PCSK5: variants seen among roughly 807,000 people sequenced by gnomAD.
PCSK5 encodes prohormone convertase 5.
Under a neutral mutation model 233.2 loss-of-function variants are expected in PCSK5, and 129 were observed. The ratio of observed to expected loss-of-function variants is 0.55; its 90% confidence interval spans 0.48 to 0.64. The LOEUF (loss-of-function observed/expected upper bound fraction) is 0.64, where lower values mean the gene tolerates loss of function less well. Ranked by LOEUF, PCSK5 falls within the 30% of genes least tolerant of loss-of-function variation. The probability of loss-of-function intolerance (pLI) is 0.00; values close to 1 mark genes in which losing one functional copy is unlikely to be tolerated. For missense variants in PCSK5, 2,076 were observed against 2,430.1 expected, an observed-to-expected ratio of 0.85 and a Z score of 3.06; for synonymous variants, 825 against 879.2, an observed-to-expected ratio of 0.94 and a Z score of 1.09.
chr9:76,064,374 T>C (rs1587575550), intron 5 of PCSK5, among the ~76,000 whole-genome samples: 1 of 94,764 alleles, frequency 1.1e-5, no homozygotes, highest in African/African-American at 4.5e-5. Context: ...CCCCCCCACC[T>C]CCCTCCCGGA....
intron 28 of PCSK5, among the ~76,000 whole-genome samples, chr9:76,304,148 G>A (rs186254436): frequency 1.8e-4 from 28 of 152,308 alleles, no homozygotes; most frequent in Non-Finnish European, 3.2e-4. Flanking sequence ...CTCCAGCCTA[G>A]GTGATGGAGC....
intron 24 of PCSK5, among the ~76,000 whole-genome samples, chr9:76,242,734 TGG>T (rs1826468391): frequency 6.6e-6 from 1 of 152,218 alleles, no homozygotes; most frequent in Admixed American, 6.5e-5. Context: ...CTAATTTCTG[TGG>T]TCTTCTCTGG....
rs141384847 is a variant in PCSK5 at position 76,337,099 on chromosome 9, C to T, written c.4749-1131C>T. 3.6e-3 allele frequency among the ~76,000 whole-genome samples: 481 copies of T among 134,894 alleles called. 5 individuals are homozygous for T. The highest frequency in any genetic ancestry group is 0.012 in the African/African-American group (461 of 37,646). 88.5% of individuals were successfully genotyped at this position (134,894 alleles called of 152,430 possible). A position where few individuals can be genotyped will look rare whatever the true frequency, so the allele number is the denominator to read the frequency against. On this transcript the variant is annotated intron_variant, in intron 34 of 37. Coordinates refer to ENST00000674117, the MANE Select transcript of PCSK5 (RefSeq NM_001372043.1). ...TAAATGTCGATATCACACTTGTCAC[C>T]TCCTATTTCAAAATTTCTTCTTTAA... is the stretch of plus-strand genomic sequence containing the variant.
At chr9:75,928,600 T>C (rs1214305507) in intron 1 of PCSK5, among the ~76,000 whole-genome samples, 19 of 78,140 alleles carry the variant, frequency 2.4e-4, no homozygotes, top group South Asian at 4.3e-4. Context: ...TAAATACATA[T>C]ATATATATAT....
At chr9:76,125,384 T>G (rs10120327) in intron 9 of PCSK5, among the ~76,000 whole-genome samples, 71,484 of 151,998 alleles carry the variant, frequency 0.47, 17,212 homozygotes, top group Admixed American at 0.52. Flanking sequence ...GTCCAAGACA[T>G]TGCAGGTGGC....
chr9:76,317,316 T>A (rs1052172631), intron 30 of PCSK5, among the ~76,000 whole-genome samples: 1 of 152,172 alleles, frequency 6.6e-6, no homozygotes, highest in African/African-American at 2.4e-5. Flanking sequence ...TGAGTTGAGA[T>A]CACGCCACTG....
In PCSK5 at chr9:76,323,143, C is replaced by A. The variant is rs1318291124; in HGVS notation, c.4194C>A (p.Cys1398Ter). The A allele has an allele frequency of 2.5e-6, 4 of 1,612,238 alleles. No homozygotes were observed. The African/African-American group carries it at 5.3e-5, about 22-fold the overall frequency. ...FYADSRHCVP[C>*]HKDCLECSGP... Reference sequence around the variant, plus strand: ...CAGACTCGCGCCACTGTGTCCCCTGCCATAAAGACTGTCTGGAGTGCAGTG... The same window carrying A: ...CAGACTCGCGCCACTGTGTCCCCTGACATAAAGACTGTCTGGAGTGCAGTG... Residue 1398 changes from cysteine (C) to a stop codon, truncating the protein, a stop_gained, in exon 32 of 38, where the codon TGC becomes TGA. Transcript: ENST00000674117. LOFTEE classifies it high-confidence loss of function.
At chr9:75,987,722 G>A (rs563602215) in intron 3 of PCSK5, among the ~76,000 whole-genome samples, 5 of 152,274 alleles carry the variant, frequency 3.3e-5, no homozygotes, top group Admixed American at 1.3e-4. Context: ...CCCAGTAGCC[G>A]CAAAGAGTGA....
chr9:76,126,167 C>CTGTGTGTGTG (rs140371301), intron 9 of PCSK5, among the ~76,000 whole-genome samples: 1 of 61,506 alleles, frequency 1.6e-5, no homozygotes, highest in Non-Finnish European at 3.3e-5. Flanking sequence ...TGATTTTTTC[C>CTGTGTGTGTG]TGCGTGTGTG....
intron 24 of PCSK5, 57 bp downstream of exon 24, chr9:76,240,741 C>T (rs1826405642): frequency 8.5e-7 from 1 of 1,181,970 alleles, no homozygotes; most frequent in South Asian, 1.3e-5. Flanking sequence ...CTTTTCCACA[C>T]ATCTTCATCC....
intron 20 of PCSK5, among the ~76,000 whole-genome samples, chr9:76,218,468 A>G (rs1032664612): frequency 4.6e-5 from 7 of 152,176 alleles, no homozygotes; most frequent in African/African-American, 1.7e-4. Context: ...GGTTTAGATG[A>G]TGTTCACACA....
At chr9:76,076,573 C>T (rs926577458) in intron 7 of PCSK5, among the ~76,000 whole-genome samples, 1 of 152,172 alleles carries the variant, frequency 6.6e-6, no homozygotes, top group Non-Finnish European at 1.5e-5. Flanking sequence ...GAAATAAATA[C>T]ATTTTGCTCA....
chr9:76,108,804 C>T (rs1832087052), intron 9 of PCSK5, among the ~76,000 whole-genome samples: 1 of 152,138 alleles, frequency 6.6e-6, no homozygotes, highest in African/African-American at 2.4e-5. Context: ...GGTAGTTTCC[C>T]AGCATTCACA....
At chr9:76,110,190 A>G (rs1832153510) in intron 9 of PCSK5, among the ~76,000 whole-genome samples, 1 of 152,176 alleles carries the variant, frequency 6.6e-6, no homozygotes, top group South Asian at 2.1e-4. Flanking sequence ...AGGCAGAGTT[A>G]TGACTCAGGA....
At chr9:76,352,311 A>T (rs1282087315) in intron 36 of PCSK5, among the ~76,000 whole-genome samples, 1 of 152,164 alleles carries the variant, frequency 6.6e-6, no homozygotes, top group East Asian at 1.9e-4. Flanking sequence ...TCTCATTGCC[A>T]TCTTGGTTTA....
At chr9:76,163,467 G>A (rs557323500) in intron 12 of PCSK5, among the ~76,000 whole-genome samples, 6 of 152,336 alleles carry the variant, frequency 3.9e-5, no homozygotes, top group Non-Finnish European at 5.9e-5. Context: ...TTAGCCCGGC[G>A]TGCATGCTCC....
chr9:76,081,479 A>G (rs1451921699), intron 7 of PCSK5, among the ~76,000 whole-genome samples: 1 of 138,742 alleles, frequency 7.2e-6, no homozygotes, highest in East Asian at 2.0e-4. Flanking sequence ...AAATAAACAA[A>G]CAAACAAATA....
At chr9:76,210,354 C>T (rs1006751997) in intron 20 of PCSK5, among the ~76,000 whole-genome samples, 17 of 152,210 alleles carry the variant, frequency 1.1e-4, no homozygotes, top group Non-Finnish European at 8.8e-5. Flanking sequence ...TACTAAATCT[C>T]TGTCATTGGT....
chr9:76,187,351 A>G (rs1824153858), intron 17 of PCSK5, among the ~76,000 whole-genome samples: 1 of 151,958 alleles, frequency 6.6e-6, no homozygotes, highest in South Asian at 2.1e-4. Flanking sequence ...AGTGAATAAT[A>G]TTTTTTATAT....
Sources: gnomAD v4.1 joint callset for allele counts (sites outside exome capture counted in the v4.1 genomes callset) on GRCh38, gnomAD v4.1.1 for gene constraint, MANE v1.5 for transcripts, NCBI Gene and HGNC (gene_info 2026-07-23, HGNC 2026-07-21) for gene names.